The following TRPM3 variants were observed in gnomAD, a reference collection of about 807,000 sequenced individuals.
TRPM3 encodes the protein transient receptor potential cation channel subfamily M member 3.
A neutral mutation model predicts 181.2 loss-of-function variants in TRPM3; 77 were observed. The ratio of observed to expected loss-of-function variants is 0.42; its 90% CI spans 0.35 to 0.51. TRPM3 has a LOEUF of 0.51. Among genes scored for constraint, TRPM3 ranks in the 20% least tolerant of loss-of-function variants. TRPM3 has a pLI of 0.01. For synonymous variants in TRPM3, 745 were observed against 796.4 expected (o/e 0.94, Z 1.09); for missense variants, 1,759 against 2,196.7 (o/e 0.80, Z 3.98).
chr9:70,914,233 G>C (rs759221629), intron 1 of TRPM3, among the ~76,000 whole-genome samples: 1 of 152,174 alleles, frequency 6.6e-6, no homozygotes, highest in African/African-American at 2.4e-5. Flanking sequence ...TGAGGACACA[G>C]CATTTGCCCC....
intron 9 of TRPM3, among the ~76,000 whole-genome samples, chr9:70,647,356 C>T (rs1341335049): frequency 6.6e-6 from 1 of 152,174 alleles, no homozygotes; most frequent in Non-Finnish European, 1.5e-5. Flanking sequence ...ATCAAGTAGG[C>T]TTCTTTCCTG....
At chr9:71,033,291 C>T (rs1361900218) in intron 1 of TRPM3, among the ~76,000 whole-genome samples, 1 of 152,226 alleles carries the variant, frequency 6.6e-6, no homozygotes, top group East Asian at 1.9e-4. Flanking sequence ...TGGGACACGG[C>T]TGCTTTTAAT....
chr9:71,031,668 A>C (rs1450543671), intron 1 of TRPM3, among the ~76,000 whole-genome samples: 1 of 151,790 alleles, frequency 6.6e-6, no homozygotes, highest in East Asian at 1.9e-4. Context: ...CCCACTTCTG[A>C]GATCATGGGA....
chr9:70,586,238 T>A (rs762569925), intron 22 of TRPM3, among the ~76,000 whole-genome samples: 1 of 152,246 alleles, frequency 6.6e-6, no homozygotes, highest in South Asian at 2.1e-4. Context: ...GTCACATGTA[T>A]CTCTGTGCTC....
intron 3 of TRPM3, among the ~76,000 whole-genome samples, chr9:70,857,721 C>T (rs551259237): frequency 2.0e-4 from 31 of 152,276 alleles, no homozygotes; most frequent in African/African-American, 6.3e-4. Flanking sequence ...AATTTAACTT[C>T]TCTAGGCGCA....
intron 1 of TRPM3, among the ~76,000 whole-genome samples, chr9:71,181,413 A>G (rs207470240): frequency 1.3e-5 from 2 of 150,822 alleles, no homozygotes; most frequent in African/African-American, 4.9e-5. Context: ...CTCTTCAGCC[A>G]CAAGATGATA....
intron 1 of TRPM3, among the ~76,000 whole-genome samples, chr9:70,947,991 T>C (rs1409250678): frequency 6.6e-6 from 1 of 152,152 alleles, no homozygotes; most frequent in Non-Finnish European, 1.5e-5. Flanking sequence ...GTTCCTGTTT[T>C]TCTGTTATTT....
intron 3 of TRPM3, among the ~76,000 whole-genome samples, chr9:70,853,073 C>T (rs750128115): frequency 6.6e-6 from 1 of 152,122 alleles, no homozygotes; most frequent in Non-Finnish European, 1.5e-5. Context: ...TTTAGTAAGG[C>T]TTTCAGCACT....
At chr9:71,319,448 A>G (rs896966531) in intron 1 of TRPM3, among the ~76,000 whole-genome samples, 1 of 152,148 alleles carries the variant, frequency 6.6e-6, no homozygotes, top group Admixed American at 6.6e-5. Flanking sequence ...GCAGAAGAAG[A>G]TACACGTTCC....
chr9:70,764,179 C>T (rs2078670278), intron 7 of TRPM3, among the ~76,000 whole-genome samples: 1 of 152,190 alleles, frequency 6.6e-6, no homozygotes, highest in Non-Finnish European at 1.5e-5. Context: ...GGCATGATCA[C>T]ATTTGTGTTG....
chr9:70,882,615 T>C (rs2132710804), intron 1 of TRPM3, among the ~76,000 whole-genome samples: 1 of 152,278 alleles, frequency 6.6e-6, no homozygotes, highest in South Asian at 2.1e-4. Context: ...ACACATTGCC[T>C]TCCTGAAAAC....
chr9:71,097,180 A>G (rs1436991781), intron 1 of TRPM3, among the ~76,000 whole-genome samples: 5 of 152,164 alleles, frequency 3.3e-5, no homozygotes, highest in Non-Finnish European at 5.9e-5. Context: ...TTAAAAAAAG[A>G]GAAAACTCAG....
intron 1 of TRPM3, among the ~76,000 whole-genome samples, chr9:70,923,999 C>CTA (rs376688595): frequency 4.1e-4 from 61 of 150,468 alleles, no homozygotes; most frequent in African/African-American, 1.1e-3. Flanking sequence ...ATTTATCTAT[C>CTA]TATATATATA....
chr9:71,041,134 C>A (rs916594095), intron 1 of TRPM3, among the ~76,000 whole-genome samples: 8 of 151,916 alleles, frequency 5.3e-5, no homozygotes, highest in African/African-American at 1.9e-4. Flanking sequence ...TGGGGAAAGT[C>A]AAAGTATTTT....
rs1588705876 is a variant in TRPM3, at chr9:70,813,032, T to G, written c.973+14815A>C. On this transcript the variant is annotated intron_variant, in intron 6 of 25. Transcript: ENST00000677713. The stretch of plus-strand genomic sequence containing the variant: ...GGCAAAGAAGAGCAGACAAGGAGTT[T>G]AGAGTTCAGGTTCAGATAAAAGCTC... Among the ~76,000 whole-genome samples the G allele has an allele frequency of 3.3e-5, 5 of 152,318 alleles. No homozygotes were observed. In the South Asian group the frequency reaches 1.0e-3, roughly 32 times the overall value.
chr9:70,541,944 G>A (rs899841511), intron 25 of TRPM3, among the ~76,000 whole-genome samples: 1 of 152,174 alleles, frequency 6.6e-6, no homozygotes, highest in African/African-American at 2.4e-5. Context: ...GCAACATGAG[G>A]AGACATGGTT....
Position 70,864,526 on chromosome 9 carries a change from A to AAAAAC in TRPM3, c.178-16_178-15insGTTTT. 1.3e-6 allele frequency: 1 copy of AAAAAC among 798,608 alleles called. No homozygotes were observed. The highest frequency in any genetic ancestry group is 5.1e-5 in the African/African-American group (1 of 19,594). 49.5% of individuals were successfully genotyped at this position (798,608 alleles called of 1,614,324 possible). A position where few individuals can be genotyped will look rare whatever the true frequency, so the allele number is the denominator to read the frequency against. ...GATTTCTGAGCCTGAAAAAGAAAAC[A>AAAAAC]AAAAAAAAAAAAAAAGAAAAAAGAA... On this transcript the variant is annotated splice_polypyrimidine_tract_variant and intron_variant, in intron 1 of 25. Coordinates refer to ENST00000677713, the MANE Select transcript of TRPM3 (RefSeq NM_001366145.2).
chr9:71,159,571 T>C (rs557072630), intron 1 of TRPM3, among the ~76,000 whole-genome samples: 1 of 152,244 alleles, frequency 6.6e-6, no homozygotes, highest in Non-Finnish European at 1.5e-5. Flanking sequence ...TCTCCCCATC[T>C]TTTGTTCTTA....
intron 1 of TRPM3, among the ~76,000 whole-genome samples, chr9:71,273,531 T>C (rs1405451692): frequency 6.6e-6 from 1 of 152,216 alleles, no homozygotes; most frequent in African/African-American, 2.4e-5. Flanking sequence ...TTATGACTTG[T>C]ATTTTTCCTT....
Sources: gnomAD v4.1 joint callset for allele counts (sites outside exome capture counted in the v4.1 genomes callset) on GRCh38, gnomAD v4.1.1 for gene constraint, MANE v1.5 for transcripts, NCBI Gene and HGNC (gene_info 2026-07-23, HGNC 2026-07-21) for gene names.